Variants in WWOX observed in about 807,000 individuals in gnomAD.
WWOX encodes the protein WW domain-containing oxidoreductase.
A neutral mutation model predicts 46.2 loss-of-function variants in WWOX; 69 were observed. The observed-to-expected ratio is 1.49, with a 90% confidence interval of 1.23 to 1.82. The LOEUF is 1.82. WWOX is among the 40% of genes most tolerant of loss of function. The probability of loss-of-function intolerance (pLI) is 0.00; values close to 1 mark genes in which losing one functional copy is unlikely to be tolerated. For missense variants in WWOX, 919 were observed against 542.6 expected, an observed-to-expected ratio of 1.69 and a Z score of -6.89; for synonymous variants, 359 against 202.6, an observed-to-expected ratio of 1.77 and a Z score of -6.56.
At chr16:79,128,758 A>G (rs1207757688) in intron 8 of WWOX, among the ~76,000 whole-genome samples, 1 of 152,216 alleles carries the variant, frequency 6.6e-6, no homozygotes, top group Non-Finnish European at 1.5e-5. Context: ...GTAGGATTCA[A>G]TCTGAAGTCA....
intron 8 of WWOX, among the ~76,000 whole-genome samples, chr16:78,839,573 C>T (rs1310039082): frequency 6.6e-6 from 1 of 152,172 alleles, no homozygotes; most frequent in Admixed American, 6.5e-5. Context: ...TTACTTATGT[C>T]TATGAAATGA....
chr16:78,563,751 T>C (rs959156662), intron 8 of WWOX, among the ~76,000 whole-genome samples: 1 of 152,146 alleles, frequency 6.6e-6, no homozygotes, highest in Non-Finnish European at 1.5e-5. Context: ...AGTCCACAGA[T>C]ACCAATAATT....
At chr16:78,327,979 C>G (rs1194126791) in intron 5 of WWOX, among the ~76,000 whole-genome samples, 2 of 149,324 alleles carry the variant, frequency 1.3e-5, no homozygotes, top group African/African-American at 5.0e-5. Context: ...TGGGCTCAAG[C>G]CAGCCGCCCA....
chr16:78,321,350 GTATATATGCGTATATATATA>G (rs2080472268), intron 5 of WWOX, among the ~76,000 whole-genome samples: 1 of 34,696 alleles, frequency 2.9e-5, no homozygotes, highest in African/African-American at 2.6e-4. Context: ...ATATATATAC[GTATATATGCGTATATATATA>G]CGTATATATG....
intron 7 of WWOX, among the ~76,000 whole-genome samples, chr16:78,425,862 G>T (rs1180893798): frequency 6.6e-6 from 1 of 151,944 alleles, no homozygotes; most frequent in Non-Finnish European, 1.5e-5. Flanking sequence ...ACGTGCAAGG[G>T]GCCTATTTTT....
At chr16:78,101,476 A>G (rs2031785774) in intron 1 of WWOX, among the ~76,000 whole-genome samples, 1 of 150,488 alleles carries the variant, frequency 6.6e-6, no homozygotes, top group Non-Finnish European at 1.5e-5. Context: ...CCTCCCGAAT[A>G]GCTGGGATTA....
At chr16:78,228,241 A>T (rs1438240525) in intron 5 of WWOX, among the ~76,000 whole-genome samples, 1 of 151,806 alleles carries the variant, frequency 6.6e-6, no homozygotes, top group Non-Finnish European at 1.5e-5. Flanking sequence ...TCTTCACTGG[A>T]TGGGAAGGCA....
intron 8 of WWOX, among the ~76,000 whole-genome samples, chr16:79,128,158 G>T (rs923536133): frequency 1.2e-4 from 19 of 152,040 alleles, no homozygotes; most frequent in African/African-American, 4.6e-4. Flanking sequence ...GAAGACAATG[G>T]CTGTGGTTTG....
chr16:78,966,846 T>A (rs1290783062), intron 8 of WWOX, among the ~76,000 whole-genome samples: 1 of 152,176 alleles, frequency 6.6e-6, no homozygotes, highest in Admixed American at 6.5e-5. Context: ...GTACTAAATT[T>A]GTGAAATGGG....
chr16:79,186,114 C>T (rs1458065822), intron 8 of WWOX, among the ~76,000 whole-genome samples: 2 of 152,012 alleles, frequency 1.3e-5, no homozygotes, highest in Admixed American at 1.3e-4. Flanking sequence ...TCTGTGTTCA[C>T]ACAGATGGTC....
intron 8 of WWOX, among the ~76,000 whole-genome samples, chr16:78,591,261 A>G (rs949773409): frequency 1.3e-5 from 2 of 152,136 alleles, no homozygotes; most frequent in South Asian, 2.1e-4. Flanking sequence ...GAACAAGGGA[A>G]CCTTTCCCCA....
chr16:78,939,714 G>A (rs1485216012), intron 8 of WWOX, among the ~76,000 whole-genome samples: 1 of 152,208 alleles, frequency 6.6e-6, no homozygotes, highest in African/African-American at 2.4e-5. Context: ...AGGTACCCAA[G>A]TCTACTGGGA....
Position 78,108,430 on chromosome 16 carries a change from G to C in WWOX, c.115G>C (p.Glu39Gln). The C allele has an allele frequency of 6.2e-7, 1 of 1,613,104 alleles. No individual in the cohort carries two copies. The highest frequency in any genetic ancestry group is 8.5e-7 in the Non-Finnish European group (1 of 1,179,656). ...TTTTTTGTTTTTTAACAGTCACACC[G>C]AGGAGAAGACTCAGTGGGAACATCC... ...DGWVYYANHTEEKTQWEHPKT... is the reference protein window; with the variant it reads ...DGWVYYANHTQEKTQWEHPKT... The change falls in exon 2 of 9, where the codon GAG becomes CAG. Residue 39 changes from glutamate (E) to glutamine (Q), a missense_variant. Transcript: ENST00000566780.
At chr16:78,205,480 C>G (rs985045852) in intron 5 of WWOX, among the ~76,000 whole-genome samples, 4 of 151,996 alleles carry the variant, frequency 2.6e-5, no homozygotes, top group Non-Finnish European at 5.9e-5. Context: ...CCCATCCACC[C>G]TTCCATACAT....
At chr16:79,050,599 G>T (rs971826138) in intron 8 of WWOX, among the ~76,000 whole-genome samples, 1 of 152,178 alleles carries the variant, frequency 6.6e-6, no homozygotes, top group Non-Finnish European at 1.5e-5. Flanking sequence ...TGAAGAATGG[G>T]CCCCTGACCC....
At chr16:78,962,896 G>A (rs951387550) in intron 8 of WWOX, among the ~76,000 whole-genome samples, 17 of 152,096 alleles carry the variant, frequency 1.1e-4, no homozygotes, top group South Asian at 2.1e-4. Flanking sequence ...CACCCAGTAC[G>A]CATTCTTTGC....
intron 5 of WWOX, among the ~76,000 whole-genome samples, chr16:78,315,379 T>A (rs2080337888): frequency 6.6e-6 from 1 of 152,184 alleles, no homozygotes; most frequent in Non-Finnish European, 1.5e-5. Flanking sequence ...CTGAGTGAGG[T>A]GGCTCAAGCC....
intron 5 of WWOX, among the ~76,000 whole-genome samples, chr16:78,173,167 T>C (rs1232998047): frequency 6.6e-6 from 1 of 152,238 alleles, no homozygotes; most frequent in Admixed American, 6.5e-5. Context: ...AATTTTTACA[T>C]ATGCAGACGC....
intron 5 of WWOX, among the ~76,000 whole-genome samples, chr16:78,368,331 T>A (rs1027499686): frequency 6.6e-6 from 1 of 152,180 alleles, no homozygotes; most frequent in Non-Finnish European, 1.5e-5. Flanking sequence ...CTGGAACATA[T>A]GGCCCTTAGC....
Sources: allele counts gnomAD v4.1 joint callset (sites outside exome capture counted in the v4.1 genomes callset), GRCh38; gene constraint gnomAD v4.1.1; transcripts MANE v1.5; gene names NCBI Gene and HGNC (gene_info 2026-07-23, HGNC 2026-07-21).